Variants in FRAS1 observed in about 807,000 individuals in gnomAD.
The protein encoded by FRAS1 is Fraser extracellular matrix complex subunit 1, also known as extracellular matrix organizing protein FRAS1.
Under a neutral mutation model 435.2 loss-of-function variants are expected in FRAS1, and 290 were observed. The observed-to-expected ratio is 0.67, with a 90% confidence interval of 0.61 to 0.73. The LOEUF (loss-of-function observed/expected upper bound fraction) is 0.73, where lower values mean the gene tolerates loss of function less well. Ranked by LOEUF, FRAS1 falls within the 30% of genes least tolerant of loss-of-function variation. The pLI, the probability that FRAS1 is intolerant of heterozygous loss-of-function variation, is 0.00. For synonymous variants in FRAS1, 1,800 were observed against 1,851.0 expected, an observed-to-expected ratio of 0.97 and a Z score of 0.71; for missense variants, 4,860 against 5,001.5, an observed-to-expected ratio of 0.97 and a Z score of 0.85.
At chr4:78,493,113 C>T (rs748938165) in intron 59 of FRAS1, among the ~76,000 whole-genome samples, 2 of 152,224 alleles carry the variant, frequency 1.3e-5, no homozygotes, top group African/African-American at 4.8e-5. Context: ...GATACCATCT[C>T]ATGCCAGTTA....
In FRAS1 at chr4:78,252,680, TAGAA is replaced by T. The variant is rs1027039249; in HGVS notation, c.469+133_469+136del. The T allele has an allele frequency of 7.7e-6, 7 of 909,920 alleles. No homozygotes were observed. The African/African-American group carries it at 1.0e-4, about 13-fold the overall frequency. 56.4% of individuals were successfully genotyped at this position (909,920 alleles called of 1,614,324 possible). On this transcript the variant is annotated intron_variant, in intron 5 of 73. Transcript: ENST00000512123. ...CCTAAATGTTGGCTGGTCTGAGAAA[TAGAA>T]AGAGTACAAAGAGAGGAATTTTACA...
intron 2 of FRAS1, among the ~76,000 whole-genome samples, chr4:78,153,057 G>A (rs1434399437): frequency 6.6e-6 from 1 of 151,982 alleles, no homozygotes; most frequent in Non-Finnish European, 1.5e-5. Context: ...ATATCAATTT[G>A]TGTTCCTGTC....
intron 40 of FRAS1, among the ~76,000 whole-genome samples, chr4:78,439,307 C>T (rs1052243221): frequency 5.9e-5 from 9 of 152,196 alleles, no homozygotes; most frequent in East Asian, 3.9e-4. Flanking sequence ...GTGCTAGCCA[C>T]CATGCTAAAT....
At chr4:78,240,014 C>T (rs1003872739) in intron 3 of FRAS1, among the ~76,000 whole-genome samples, 6 of 152,078 alleles carry the variant, frequency 3.9e-5, no homozygotes, top group African/African-American at 1.4e-4. Flanking sequence ...ATATCCACAG[C>T]ATCTACAGTA....
At chr4:78,447,029 A>G (rs2109832402) in intron 43 of FRAS1, 149 bp downstream of exon 43, 2 of 781,250 alleles carry the variant, frequency 2.6e-6, no homozygotes, top group South Asian at 2.2e-5. Flanking sequence ...GCTGGCTAAT[A>G]TTTTTTTGGA....
At chr4:78,179,234 G>A (rs1721901531) in intron 2 of FRAS1, among the ~76,000 whole-genome samples, 1 of 152,194 alleles carries the variant, frequency 6.6e-6, no homozygotes, top group East Asian at 1.9e-4. Context: ...CTCACCGACT[G>A]GAAGTGTATC....
chr4:78,379,659 T>C, intron 26 of FRAS1, 67 bp from the exon 27 acceptor site: 2 of 1,480,664 alleles, frequency 1.4e-6, no homozygotes, highest in Non-Finnish European at 1.8e-6. Context: ...ATAAACAAAA[T>C]AAGGGGAAAG....
chr4:78,526,015 T>C (rs1302838947), intron 69 of FRAS1, among the ~76,000 whole-genome samples: 3 of 152,214 alleles, frequency 2.0e-5, no homozygotes, highest in Non-Finnish European at 4.4e-5. Flanking sequence ...GCAGGGACTT[T>C]CTGCAGGGTG....
chr4:78,074,912 C>T (rs1328746009), intron 2 of FRAS1, among the ~76,000 whole-genome samples: 2 of 152,156 alleles, frequency 1.3e-5, no homozygotes, highest in African/African-American at 2.4e-5. Flanking sequence ...GTTGCTGGTT[C>T]TGACCTCAGA....
At chr4:78,470,757 A>G (rs568063929) in intron 51 of FRAS1, among the ~76,000 whole-genome samples, 1 of 152,178 alleles carries the variant, frequency 6.6e-6, no homozygotes, top group African/African-American at 2.4e-5. Context: ...TGGATTTTGT[A>G]ATCCTCAGAG....
At chr4:78,526,494 C>T (rs1333140007) in intron 69 of FRAS1, 47 bp from the exon 70 acceptor site, 1 of 1,279,094 alleles carries the variant, frequency 7.8e-7, no homozygotes, top group Non-Finnish European at 1.1e-6. Flanking sequence ...AAGCCAGCAA[C>T]CTATCAGTTG....
At chr4:78,333,763 G>C (rs569650567) in intron 19 of FRAS1, among the ~76,000 whole-genome samples, 1 of 152,140 alleles carries the variant, frequency 6.6e-6, no homozygotes, top group African/African-American at 2.4e-5. Context: ...CTAGAACTTA[G>C]TTCAGCATAA....
intron 3 of FRAS1, among the ~76,000 whole-genome samples, chr4:78,241,999 T>G (rs190963318): frequency 9.1e-4 from 139 of 152,204 alleles, no homozygotes; most frequent in Middle Eastern, 3.4e-3. Flanking sequence ...GAGCATGAAC[T>G]CTAAGGAAGG....
At chr4:78,093,006 C>CT (rs1457789060) in intron 2 of FRAS1, among the ~76,000 whole-genome samples, 1 of 152,146 alleles carries the variant, frequency 6.6e-6, no homozygotes, top group East Asian at 1.9e-4. Flanking sequence ...TTAACCTTTC[C>CT]TTTTTGTGTA....
intron 25 of FRAS1, among the ~76,000 whole-genome samples, chr4:78,375,341 A>G (rs969476611): frequency 4.6e-5 from 7 of 152,198 alleles, no homozygotes; most frequent in African/African-American, 2.4e-5. Flanking sequence ...AGGTGCTATT[A>G]ATGTTCCCAT....
At chr4:78,497,642 A>G (rs943162797) in intron 60 of FRAS1, among the ~76,000 whole-genome samples, 2 of 152,182 alleles carry the variant, frequency 1.3e-5, no homozygotes, top group African/African-American at 4.8e-5. Context: ...TGGTGCTATT[A>G]TTTCTATATT....
At chr4:78,161,657 A>G (rs1467713254) in intron 2 of FRAS1, among the ~76,000 whole-genome samples, 2 of 145,264 alleles carry the variant, frequency 1.4e-5, no homozygotes, top group Non-Finnish European at 3.0e-5. Flanking sequence ...GCATGCCTGC[A>G]TCTTCTGTCA....
At chr4:78,101,226 TA>T (rs111899806) in intron 2 of FRAS1, among the ~76,000 whole-genome samples, 9,423 of 149,686 alleles carry the variant, frequency 0.063, 789 homozygotes, top group African/African-American at 0.19. Context: ...AAGGAAAGGC[TA>T]AAAAAAAAAT....
At chr4:78,114,446 T>G (rs1442054536) in intron 2 of FRAS1, among the ~76,000 whole-genome samples, 1 of 152,204 alleles carries the variant, frequency 6.6e-6, no homozygotes, top group African/African-American at 2.4e-5. Context: ...ATGATATTGA[T>G]TCTTCCTGCT....
Sources: allele counts gnomAD v4.1 joint callset (sites outside exome capture counted in the v4.1 genomes callset), GRCh38; gene constraint gnomAD v4.1.1; transcripts MANE v1.5; gene names NCBI Gene and HGNC (gene_info 2026-07-23, HGNC 2026-07-21).